Variants in GALNT17 observed in about 807,000 individuals in gnomAD.
GALNT17 encodes the protein polypeptide N-acetylgalactosaminyltransferase 17.
GALNT17 carries 29 observed loss-of-function variants against 63.7 expected under a neutral mutation model. That is an observed-to-expected ratio of 0.46 (90% CI 0.34 to 0.62). The LOEUF is 0.62. Ranked by LOEUF, GALNT17 falls within the 20% of genes least tolerant of loss-of-function variation. GALNT17 has a pLI of 0.01. For synonymous variants in GALNT17, 305 were observed against 318.3 expected (o/e 0.96, Z 0.45); for missense variants, 603 against 799.6 (o/e 0.75, Z 2.97).
chr7:71,141,546 C>T (rs1787891693), intron 1 of GALNT17, among the ~76,000 whole-genome samples: 2 of 152,062 alleles, frequency 1.3e-5, no homozygotes, highest in Non-Finnish European at 2.9e-5. Context: ...ACCCAACACA[C>T]GGCAGTTGTA....
intron 1 of GALNT17, among the ~76,000 whole-genome samples, chr7:71,257,677 TG>T (rs1790312847): frequency 6.6e-6 from 1 of 152,162 alleles, no homozygotes; most frequent in South Asian, 2.1e-4. Flanking sequence ...CCCTAGGAAA[TG>T]CCCCCAGTCC....
chr7:71,269,946 C>T (rs1335702405), intron 1 of GALNT17, among the ~76,000 whole-genome samples: 6 of 152,164 alleles, frequency 3.9e-5, no homozygotes, highest in Non-Finnish European at 8.8e-5. Flanking sequence ...CTCTCTGAAA[C>T]GCTTTGTACT....
At chr7:71,137,619 G>A (rs57272424) in intron 1 of GALNT17, among the ~76,000 whole-genome samples, 8,898 of 152,186 alleles carry the variant, frequency 0.058, 320 homozygotes, top group East Asian at 0.11. Flanking sequence ...TGGATGTGGA[G>A]AGGGGTGGGG....
intron 1 of GALNT17, among the ~76,000 whole-genome samples, chr7:71,266,258 C>T (rs1015626542): frequency 6.6e-6 from 1 of 152,114 alleles, no homozygotes; most frequent in African/African-American, 2.4e-5. Flanking sequence ...TGGTTTGGCT[C>T]TGTGTCCCAA....
chr7:71,177,090 T>C (rs1053267835), intron 1 of GALNT17, among the ~76,000 whole-genome samples: 1 of 152,174 alleles, frequency 6.6e-6, no homozygotes, highest in Non-Finnish European at 1.5e-5. Flanking sequence ...TGGAGTGCGC[T>C]GTTGCTGGTG....
At chr7:71,502,286 G>C (rs1401073760) in intron 5 of GALNT17, among the ~76,000 whole-genome samples, 1 of 152,120 alleles carries the variant, frequency 6.6e-6, no homozygotes, top group South Asian at 2.1e-4. Flanking sequence ...ATCTTTCACA[G>C]TCTTGTTACG....
intron 1 of GALNT17, among the ~76,000 whole-genome samples, chr7:71,233,492 T>C (rs758666430): frequency 6.6e-6 from 1 of 152,114 alleles, no homozygotes; most frequent in Admixed American, 6.5e-5. Context: ...CAAAGAGAGA[T>C]AGAACTGCTC....
chr7:71,549,665 T>C (rs953816211), intron 5 of GALNT17, among the ~76,000 whole-genome samples: 1 of 152,130 alleles, frequency 6.6e-6, no homozygotes, highest in Non-Finnish European at 1.5e-5. Context: ...AGTAATTGTT[T>C]TTTTCTCCTT....
chr7:71,497,777 T>C (rs1788119864), intron 5 of GALNT17, among the ~76,000 whole-genome samples: 1 of 152,162 alleles, frequency 6.6e-6, no homozygotes, highest in Non-Finnish European at 1.5e-5. Flanking sequence ...TGATATTGAA[T>C]GGCAAGGCCA....
chr7:71,290,012 T>C (rs1378729489), intron 1 of GALNT17, among the ~76,000 whole-genome samples: 2 of 152,104 alleles, frequency 1.3e-5, no homozygotes, highest in African/African-American at 4.8e-5. Flanking sequence ...GCCACTGCAC[T>C]CCAGCATGGG....
intron 1 of GALNT17, among the ~76,000 whole-genome samples, chr7:71,219,896 C>G (rs1789552578): frequency 6.6e-6 from 1 of 152,172 alleles, no homozygotes; most frequent in Non-Finnish European, 1.5e-5. Context: ...ATGGTTCTCA[C>G]TGGTAGGTGC....
rs562364297 is a variant in GALNT17 at position 71,188,626 on chromosome 7, TATTA to T, written c.238+55589_238+55592del. On this transcript the variant is annotated intron_variant, in intron 1 of 10. Transcript: ENST00000333538. ...GTTTGAGTTCATTGTAGATTCTGGA[TATTA>T]ATCCTTTGTCGGTTGTGTAGATTGT... 7.9e-5 allele frequency among the ~76,000 whole-genome samples: 12 copies of T among 152,352 alleles called. No homozygotes were observed. In the East Asian group the frequency reaches 2.3e-3, roughly 29 times the overall value.
chr7:71,649,103 C>T (rs1790720487), intron 6 of GALNT17, among the ~76,000 whole-genome samples: 1 of 152,172 alleles, frequency 6.6e-6, no homozygotes, highest in African/African-American at 2.4e-5. Context: ...TTTGCCAGCC[C>T]ACCTGCCCTG....
intron 1 of GALNT17, among the ~76,000 whole-genome samples, chr7:71,292,183 C>G (rs192762489): frequency 2.0e-5 from 3 of 152,272 alleles, no homozygotes; most frequent in Admixed American, 2.0e-4. Context: ...ATTAACAAGT[C>G]TAGAAAGCAT....
chr7:71,520,883 G>A (rs1404962179), intron 5 of GALNT17, among the ~76,000 whole-genome samples: 1 of 152,106 alleles, frequency 6.6e-6, no homozygotes, highest in Non-Finnish European at 1.5e-5. Flanking sequence ...GAGTAACCAG[G>A]GGCTAAACTT....
At chr7:71,241,867 T>A (rs1790003387) in intron 1 of GALNT17, among the ~76,000 whole-genome samples, 1 of 152,094 alleles carries the variant, frequency 6.6e-6, no homozygotes, top group South Asian at 2.1e-4. Context: ...CCTGCCTAGG[T>A]GACAGGATGA....
intron 5 of GALNT17, among the ~76,000 whole-genome samples, chr7:71,451,029 C>T (rs1244429771): frequency 7.3e-5 from 11 of 151,646 alleles, no homozygotes; most frequent in Admixed American, 5.9e-4. Context: ...GTGCTGCACC[C>T]ATTAACTCAT....
At chr7:71,497,533 AT>A (rs1297561501) in intron 5 of GALNT17, among the ~76,000 whole-genome samples, 1 of 152,122 alleles carries the variant, frequency 6.6e-6, no homozygotes, top group Non-Finnish European at 1.5e-5. Context: ...TTTTAACTTA[AT>A]TATCTTTTTA....
At chr7:71,440,600 C>T (rs1356128740) in intron 5 of GALNT17, among the ~76,000 whole-genome samples, 1 of 152,064 alleles carries the variant, frequency 6.6e-6, no homozygotes, top group African/African-American at 2.4e-5. Context: ...TCTTGAACTC[C>T]CGACCTCAGG....
Sources: allele counts gnomAD v4.1 joint callset (sites outside exome capture counted in the v4.1 genomes callset), GRCh38; gene constraint gnomAD v4.1.1; transcripts MANE v1.5; gene names NCBI Gene and HGNC (gene_info 2026-07-23, HGNC 2026-07-21).